SASH1: variants seen among roughly 807,000 people sequenced by gnomAD.
SASH1 encodes the protein SAM and SH3 domain containing 1.
A neutral mutation model predicts 125.2 loss-of-function variants in SASH1; 44 were observed. That is an observed-to-expected ratio of 0.35 (90% CI 0.28 to 0.45). The LOEUF is 0.45. Among genes scored for constraint, SASH1 ranks in the 20% least tolerant of loss-of-function variants. The pLI is 1.00. For missense variants in SASH1, 1,426 were observed against 1,614.5 expected (o/e 0.88, Z 2.00); for synonymous variants, 639 against 649.1 (o/e 0.98, Z 0.24).
intron 1 of SASH1, among the ~76,000 whole-genome samples, chr6:148,384,927 ATT>A (rs1225333035): frequency 6.6e-6 from 1 of 152,166 alleles, no homozygotes; most frequent in African/African-American, 2.4e-5. Context: ...TAAAGCCTGA[ATT>A]TTGAGTGGGT....
chr6:148,491,642 T>G (rs12202989), intron 8 of SASH1, among the ~76,000 whole-genome samples: 5,831 of 152,254 alleles, frequency 0.038, 148 homozygotes, highest in Admixed American at 0.069. Flanking sequence ...GTCTTTACCT[T>G]TTTTTCTATC....
the SASH1 span, among the ~76,000 whole-genome samples, chr6:148,193,850 T>C: frequency 4.6e-5 from 7 of 152,254 alleles, no homozygotes; most frequent in Non-Finnish European, 7.3e-5. Context: ...TGAAGAATAC[T>C]AACAGCTATG....
chr6:148,258,588 G>GT, the SASH1 span, among the ~76,000 whole-genome samples: 1 of 152,104 alleles, frequency 6.6e-6, no homozygotes, highest in East Asian at 1.9e-4. Flanking sequence ...TACTCCACAT[G>GT]TAAAAATTAC....
intron 2 of SASH1, among the ~76,000 whole-genome samples, chr6:148,431,437 G>C (rs1776057242): frequency 6.6e-6 from 1 of 152,046 alleles, no homozygotes; most frequent in African/African-American, 2.4e-5. Context: ...GACCTCAGAT[G>C]ATCCACCCAC....
chr6:148,471,596 C>A (rs1257416434), intron 6 of SASH1, 93 bp downstream of exon 6: 1 of 756,478 alleles, frequency 1.3e-6, no homozygotes, highest in African/African-American at 1.8e-5. Flanking sequence ...TATAAGTTAG[C>A]GTAACTCACC....
At position 148,532,766 on chromosome 6, in the gene SASH1, T is replaced by C; in HGVS notation, c.1565-31T>C. ...CTTTGCTGGGTGGGAAATCTGGATC[T>C]ACCCGTGTTCTTCCTATGTTTCCTG... On this transcript the variant is annotated intron_variant, in intron 13 of 19. Coordinates refer to ENST00000367467, the MANE Select transcript of SASH1 (RefSeq NM_015278.5). This position sits in a 1 kb window ranked among gnomAD's most constrained non-coding sequence, Gnocchi z 4.7. The C allele has an allele frequency of 6.2e-7, 1 of 1,611,204 alleles. No individual in the cohort carries two copies. Among genetic ancestry groups the C allele is most frequent in the Non-Finnish European group, 8.5e-7 (1 of 1,178,040 alleles).
the SASH1 span, among the ~76,000 whole-genome samples, chr6:148,200,040 TA>T: frequency 6.6e-6 from 1 of 152,190 alleles, no homozygotes; most frequent in South Asian, 2.1e-4. Context: ...AATTGTATTT[TA>T]AGTGATTGCA....
At chr6:148,499,409 G>T (rs192790394) in intron 8 of SASH1, among the ~76,000 whole-genome samples, 2 of 152,300 alleles carry the variant, frequency 1.3e-5, no homozygotes, top group African/African-American at 4.8e-5. Flanking sequence ...GAACCAAAGT[G>T]TAGGTTGAAA....
chr6:148,284,399 A>G (rs142919600), intron 1 of SASH1, among the ~76,000 whole-genome samples: 2,088 of 152,296 alleles, frequency 0.014, 27 homozygotes, highest in Non-Finnish European at 0.017. Context: ...AGATCATGCC[A>G]TTGCACTCCA....
At chr6:148,523,724 A>G (rs1780954462) in intron 10 of SASH1, among the ~76,000 whole-genome samples, 1 of 152,092 alleles carries the variant, frequency 6.6e-6, no homozygotes, top group Non-Finnish European at 1.5e-5. Flanking sequence ...GAACTCCCAG[A>G]TTAGATTGTA....
intron 2 of SASH1, among the ~76,000 whole-genome samples, chr6:148,432,216 C>A (rs1776091632): frequency 6.6e-6 from 1 of 152,184 alleles, no homozygotes; most frequent in Admixed American, 6.5e-5. Context: ...CTCAGGTGAT[C>A]TGCCTGCCTC....
intron 4 of SASH1, among the ~76,000 whole-genome samples, chr6:148,457,817 A>C (rs1474176582): frequency 1.3e-5 from 2 of 152,184 alleles, no homozygotes; most frequent in Non-Finnish European, 2.9e-5. Context: ...AAGAGGAAAC[A>C]AACACATCCT....
chr6:148,312,330 A>G (rs999973671), intron 1 of SASH1, among the ~76,000 whole-genome samples: 6 of 152,172 alleles, frequency 3.9e-5, no homozygotes, highest in African/African-American at 1.2e-4. Flanking sequence ...AATACTCTAG[A>G]TAGTACTTAG....
intron 2 of SASH1, among the ~76,000 whole-genome samples, chr6:148,392,376 G>A (rs1030384046): frequency 1.3e-5 from 2 of 151,706 alleles, no homozygotes; most frequent in African/African-American, 4.8e-5. Flanking sequence ...TACTTAGGGT[G>A]AGCACACACA....
intron 1 of SASH1, among the ~76,000 whole-genome samples, chr6:148,345,586 C>T (rs943585077): frequency 1.3e-5 from 2 of 152,082 alleles, no homozygotes; most frequent in African/African-American, 4.8e-5. Flanking sequence ...AGGGAGACAC[C>T]AGGCTAAAAG....
At chr6:148,325,628 T>C (rs927372195) in intron 1 of SASH1, among the ~76,000 whole-genome samples, 1 of 152,026 alleles carries the variant, frequency 6.6e-6, no homozygotes, top group Non-Finnish European at 1.5e-5. Flanking sequence ...ATCACGAGAA[T>C]AGCACGGAGG....
rs1238333816 is a variant in SASH1, at chr6:148,289,896, C to G, written n.74+17519C>G. Among the ~76,000 whole-genome samples the G allele has an allele frequency of 6.9e-5, 8 of 115,484 alleles. No homozygotes were observed. The Admixed American group carries it at 9.7e-4, about 14-fold the overall frequency. The allele number at this position is 115,484 out of a possible 152,430, so 75.8% of individuals were successfully genotyped here. On this transcript the variant is annotated intron_variant and non_coding_transcript_variant, in intron 1 of 3. Coordinates refer to the SASH1 transcript ENST00000367469. ...TTTTTTTTTTTTTTTGAGACAGAGT[C>G]TCACTCTGTAGCCCAGGCTGGAGTG...
the SASH1 span, among the ~76,000 whole-genome samples, chr6:148,252,034 A>T: frequency 6.6e-6 from 1 of 152,102 alleles, no homozygotes; most frequent in Non-Finnish European, 1.5e-5. Flanking sequence ...CTACACGTTA[A>T]GTCTTAGCCT....
At chr6:148,369,987 G>A (rs1190817580) in intron 1 of SASH1, among the ~76,000 whole-genome samples, 184 of 70,114 alleles carry the variant, frequency 2.6e-3, no homozygotes, top group African/African-American at 6.7e-3. Context: ...AAAAAAAAAA[G>A]GAAAGAAAAA....
Sources: allele counts gnomAD v4.1 joint callset (sites outside exome capture counted in the v4.1 genomes callset), GRCh38; gene constraint gnomAD v4.1.1; non-coding constraint Gnocchi (gnomAD v3.1); transcripts MANE v1.5; gene names NCBI Gene and HGNC (gene_info 2026-07-23, HGNC 2026-07-21).